The following TMOD2 variants were observed in gnomAD, a reference collection of about 807,000 sequenced individuals.
The protein encoded by TMOD2 is tropomodulin-2.
In TMOD2, 22 loss-of-function variants were observed where a neutral mutation model predicts 39.9. That is an observed-to-expected ratio of 0.55 (90% CI 0.39 to 0.79). The LOEUF is 0.79. Among genes scored for constraint, TMOD2 ranks in the 30% least tolerant of loss-of-function variants. TMOD2 has a pLI of 0.00. For missense variants in TMOD2, 386 were observed against 413.3 expected (o/e 0.93, Z 0.57); for synonymous variants, 123 against 146.1 (o/e 0.84, Z 1.14).
intron 1 of TMOD2, among the ~76,000 whole-genome samples, chr15:51,762,802 A>G (rs1233499654): frequency 1.3e-5 from 2 of 152,216 alleles, no homozygotes; most frequent in Non-Finnish European, 2.9e-5. Flanking sequence ...ATCCTGCAGT[A>G]TACATTCTTT....
At position 51,809,449 on chromosome 15, in the gene TMOD2, A is replaced by G. The variant is rs1318050472; in HGVS notation, c.*995A>G. On this transcript the variant is annotated 3_prime_UTR_variant, in exon 10 of 10. Transcript: ENST00000249700. ...TTATCTAGATTTTTGTCCACAGTAT[A>G]TGATCCATCCAGACATTTGCAAACG... is the stretch of plus-strand genomic sequence containing the variant. 6.6e-6 allele frequency: 1 copy of G among 152,512 alleles called. No homozygotes were observed. Among genetic ancestry groups the G allele is most frequent in the Admixed American group, 6.5e-5 (1 of 15,278 alleles). 9.4% of individuals were successfully genotyped at this position (152,512 alleles called of 1,614,324 possible). A position where few individuals can be genotyped will look rare whatever the true frequency, so the allele number is the denominator to read the frequency against.
chr15:51,778,883 G>T (rs769207218), intron 5 of TMOD2, among the ~76,000 whole-genome samples: 2 of 151,824 alleles, frequency 1.3e-5, no homozygotes, highest in Non-Finnish European at 2.9e-5. Flanking sequence ...AGAGACTTGG[G>T]AGATGCTTTC....
chr15:51,786,468 A>G (rs1049284010), intron 7 of TMOD2, among the ~76,000 whole-genome samples: 1 of 152,196 alleles, frequency 6.6e-6, no homozygotes, highest in African/African-American at 2.4e-5. Context: ...GCCCTGTGCA[A>G]TTGGCATCCG....
In TMOD2 at chr15:51,798,312, C is replaced by G; in HGVS notation, c.848C>G (p.Thr283Ser). Residue 283 changes from threonine to serine, a missense_variant, in exon 8 of 10, where the codon ACC becomes AGC. By Grantham distance (58) the Thr-to-Ser change is moderately conservative. Coordinates refer to ENST00000249700, the MANE Select transcript of TMOD2 (RefSeq NM_014548.4). ...ALVEALKEND[T>S]LTEIKIDNQR... The stretch of plus-strand genomic sequence containing the variant: ...GTAGAGGCACTGAAAGAAAATGACA[C>G]CTTGACAGAAATCAAGATTGACAAC... The G allele has an allele frequency of 6.2e-7, 1 of 1,613,558 alleles. No homozygotes were observed. The highest frequency in any genetic ancestry group is 8.5e-7 in the Non-Finnish European group (1 of 1,179,904).
At chr15:51,793,534 A>G (rs909070888) in intron 7 of TMOD2, among the ~76,000 whole-genome samples, 13 of 152,176 alleles carry the variant, frequency 8.5e-5, no homozygotes, top group African/African-American at 3.1e-4. Context: ...ACAGACAGCA[A>G]ACCCTTCTCT....
At chr15:51,798,972 C>G (rs2056070368) in intron 8 of TMOD2, among the ~76,000 whole-genome samples, 1 of 152,236 alleles carries the variant, frequency 6.6e-6, no homozygotes, top group African/African-American at 2.4e-5. Flanking sequence ...AGGTTCCCGT[C>G]TGCAGCCAAA....
intron 2 of TMOD2, among the ~76,000 whole-genome samples, chr15:51,767,852 T>C (rs757616793): frequency 6.6e-6 from 1 of 152,272 alleles, no homozygotes; most frequent in Non-Finnish European, 1.5e-5. Flanking sequence ...TGTTTACTTA[T>C]CAGCTTTACT....
chr15:51,796,602 C>T (rs1344026169), intron 7 of TMOD2, among the ~76,000 whole-genome samples: 4 of 152,168 alleles, frequency 2.6e-5, no homozygotes, highest in Non-Finnish European at 4.4e-5. Context: ...CTATACTACA[C>T]ACCTATAATA....
At chr15:51,782,980 A>G (rs1224527609) in intron 7 of TMOD2, 152 bp downstream of exon 7, 4 of 626,242 alleles carry the variant, frequency 6.4e-6, no homozygotes, top group African/African-American at 1.8e-5. Context: ...GCAATAGTTA[A>G]ACTTCAGAAC....
At chr15:51,773,310 T>G (rs1323084163) in intron 3 of TMOD2, among the ~76,000 whole-genome samples, 1 of 152,192 alleles carries the variant, frequency 6.6e-6, no homozygotes, top group Non-Finnish European at 1.5e-5. Context: ...GGCATATCCC[T>G]TTGGCCTCAT....
At chr15:51,806,614 A>G in intron 9 of TMOD2, 93 bp downstream of exon 9, 3 of 1,441,572 alleles carry the variant, frequency 2.1e-6, no homozygotes, top group Non-Finnish European at 2.9e-6. Flanking sequence ...ATACCATTCC[A>G]CTGGCCTCTG....
At chr15:51,799,019 T>C (rs2056070962) in intron 8 of TMOD2, among the ~76,000 whole-genome samples, 1 of 152,220 alleles carries the variant, frequency 6.6e-6, no homozygotes, top group Non-Finnish European at 1.5e-5. Context: ...TCTTCCTGCC[T>C]GGCGACCTCT....
At chr15:51,794,074 G>A (rs901242522) in intron 7 of TMOD2, among the ~76,000 whole-genome samples, 7 of 152,186 alleles carry the variant, frequency 4.6e-5, no homozygotes, top group African/African-American at 1.7e-4. Context: ...TCAACCTAGG[G>A]CAATTTTGCC....
chr15:51,792,589 C>T (rs2056019948), intron 7 of TMOD2, among the ~76,000 whole-genome samples: 1 of 151,972 alleles, frequency 6.6e-6, no homozygotes, highest in African/African-American at 2.4e-5. Flanking sequence ...GCACTATTCA[C>T]AATAGTAAAG....
In TMOD2 at chr15:51,777,611, G is replaced by C. The variant is rs532157377; in HGVS notation, c.493+593G>C. ...GACTTTTTTATTCATTCATTCATCA[G>C]TCATCCACTAAATACCTACTATGTG... On this transcript the variant is annotated intron_variant, in intron 5 of 9. Coordinates refer to ENST00000249700, the MANE Select transcript of TMOD2 (RefSeq NM_014548.4). Among the ~76,000 whole-genome samples, 53 of 152,250 alleles carry C rather than the reference G, an allele frequency of 3.5e-4. No individual in the cohort carries two copies. In the South Asian group the frequency reaches 4.8e-3, roughly 14 times the overall value.
chr15:51,754,457 T>TC (rs1438947905), intron 1 of TMOD2, among the ~76,000 whole-genome samples: 7 of 152,360 alleles, frequency 4.6e-5, no homozygotes, highest in African/African-American at 1.7e-4. Flanking sequence ...AGAAGAGACT[T>TC]CCTGTTACCA....
Position 51,788,335 on chromosome 15 carries a change from A to G in TMOD2, c.732+5507A>G, listed in dbSNP as rs573448596. The stretch of plus-strand genomic sequence containing the variant: ...ACAAGATTAGAGAAAGAAAAGTGAA[A>G]AGAAACGAACAAAGCCTCCAAGAAA... On this transcript the variant is annotated intron_variant, in intron 7 of 9. Transcript: ENST00000249700. 2.6e-5 allele frequency among the ~76,000 whole-genome samples: 4 copies of G among 152,358 alleles called. No individual in the cohort carries two copies. The South Asian group carries it at 8.3e-4, about 32-fold the overall frequency.
At position 51,816,079 on chromosome 15, in the gene TMOD2, G is replaced by A. The variant is rs2056186832; in HGVS notation, c.*7625G>A. Reference sequence around the variant, plus strand: ...CTTTTTAAATGTGAAGTTGAACACTGTGTGGAAAGTAAATGTGTGATGAAG... The same window carrying A: ...CTTTTTAAATGTGAAGTTGAACACTATGTGGAAAGTAAATGTGTGATGAAG... On this transcript the variant is annotated 3_prime_UTR_variant, in exon 10 of 10. Transcript: ENST00000249700. 1 of 152,178 alleles carries A rather than the reference G, an allele frequency of 6.6e-6. No individual in the cohort carries two copies. Among genetic ancestry groups the A allele is most frequent in the Non-Finnish European group, 1.5e-5 (1 of 68,026 alleles). 9.4% of individuals were successfully genotyped at this position (152,178 alleles called of 1,614,324 possible). A position where few individuals can be genotyped will look rare whatever the true frequency, so the allele number is the denominator to read the frequency against.
chr15:51,778,152 C>T (rs564021951), intron 5 of TMOD2, among the ~76,000 whole-genome samples: 2 of 151,532 alleles, frequency 1.3e-5, no homozygotes, highest in Non-Finnish European at 2.9e-5. Flanking sequence ...GAATACTATG[C>T]AGCCATAAAA....
Sources: allele counts gnomAD v4.1 joint callset (sites outside exome capture counted in the v4.1 genomes callset), GRCh38; gene constraint gnomAD v4.1.1; transcripts MANE v1.5; gene names NCBI Gene and HGNC (gene_info 2026-07-23, HGNC 2026-07-21).